The following NALF1 variants were observed in gnomAD, a reference collection of about 807,000 sequenced individuals.
NALF1 encodes family with sequence similarity 155 member A.
Under a neutral mutation model 48.4 loss-of-function variants are expected in NALF1, and 3 were observed. The ratio of observed to expected loss-of-function variants is 0.06; its 90% CI spans 0.03 to 0.16. The LOEUF is 0.16. Among genes scored for constraint, NALF1 ranks in the 10% least tolerant of loss-of-function variants. NALF1 has a pLI of 1.00. For synonymous variants in NALF1, 262 were observed against 245.7 expected, an observed-to-expected ratio of 1.07 and a Z score of -0.62; for missense variants, 526 against 571.5, an observed-to-expected ratio of 0.92 and a Z score of 0.81.
At chr13:107,593,818 G>GAAAAAAAAAAAA in intron 1 of NALF1, among the ~76,000 whole-genome samples, 1 of 146,240 alleles carries the variant, frequency 6.8e-6, no homozygotes, top group African/African-American at 2.5e-5. Context: ...TTTTCAACAG[G>GAAAAAAAAAAAA]AAAAAAAAAA....
intron 1 of NALF1, among the ~76,000 whole-genome samples, chr13:107,575,998 A>ATG (rs56118452): frequency 0.33 from 50,479 of 150,826 alleles, 9,692 homozygotes; most frequent in Non-Finnish European, 0.44. Flanking sequence ...GTGCATGTAT[A>ATG]TGTGTGTGTG....
At chr13:107,566,139 C>T (rs1348053092) in intron 1 of NALF1, among the ~76,000 whole-genome samples, 1 of 152,058 alleles carries the variant, frequency 6.6e-6, no homozygotes, top group African/African-American at 2.4e-5. Context: ...GCAAGAATTG[C>T]TACAAAAACA....
chr13:107,636,701 A>G (rs933150877), intron 1 of NALF1, among the ~76,000 whole-genome samples: 3 of 151,964 alleles, frequency 2.0e-5, no homozygotes, highest in African/African-American at 4.8e-5. Flanking sequence ...TCTTAATTTT[A>G]TAATATACTT....
chr13:107,403,909 A>G (rs184433760), intron 1 of NALF1, among the ~76,000 whole-genome samples: 297 of 152,218 alleles, frequency 2.0e-3, no homozygotes, highest in African/African-American at 6.6e-3. Context: ...AGGAGTTACT[A>G]TTATGTTTTC....
chr13:107,188,383 A>C (rs573272564), intron 2 of NALF1, among the ~76,000 whole-genome samples: 6 of 152,270 alleles, frequency 3.9e-5, no homozygotes, highest in African/African-American at 1.2e-4. Context: ...GTTATTTATA[A>C]TTTGGCAGGT....
At chr13:107,590,412 A>C (rs1180636303) in intron 1 of NALF1, among the ~76,000 whole-genome samples, 1 of 152,034 alleles carries the variant, frequency 6.6e-6, no homozygotes, top group Non-Finnish European at 1.5e-5. Flanking sequence ...TCATGTGCTC[A>C]ACAAGTTTGT....
intron 1 of NALF1, among the ~76,000 whole-genome samples, chr13:107,482,968 C>T (rs566698668): frequency 2.6e-5 from 4 of 152,292 alleles, no homozygotes; most frequent in Admixed American, 6.5e-5. Context: ...CCATGCCAAA[C>T]GTAAGCTGTC....
Position 107,349,647 on chromosome 13 carries a change from A to C in NALF1, c.916-138892T>G, listed in dbSNP as rs143479621. Among the ~76,000 whole-genome samples, 1,388 of 151,530 alleles carry C rather than the reference A, an allele frequency of 9.2e-3. 22 individuals carry two copies. Among genetic ancestry groups the C allele is most frequent in the African/African-American group, 0.032 (1,332 of 41,264 alleles). On this transcript the variant is annotated intron_variant, in intron 1 of 2. Coordinates refer to ENST00000375915, the MANE Select transcript of NALF1 (RefSeq NM_001080396.3). ...TCCCAGCTACTTGGAAAGCTGAGGC[A>C]GAGGAATCACTTGAACCTGGGAGGC...
chr13:107,554,762 G>A (rs957638865), intron 1 of NALF1, among the ~76,000 whole-genome samples: 2 of 152,146 alleles, frequency 1.3e-5, no homozygotes, highest in Non-Finnish European at 2.9e-5. Flanking sequence ...TTGTGTCTGT[G>A]CAAGTTTCTC....
At chr13:107,766,602 C>G (rs1314611345) in intron 1 of NALF1, among the ~76,000 whole-genome samples, 2 of 152,170 alleles carry the variant, frequency 1.3e-5, no homozygotes, top group East Asian at 1.9e-4. Flanking sequence ...AAGTGTCAAA[C>G]AGGATATTTT....
chr13:107,357,257 T>A (rs990379215), intron 1 of NALF1, among the ~76,000 whole-genome samples: 1 of 152,046 alleles, frequency 6.6e-6, no homozygotes, highest in African/African-American at 2.4e-5. Context: ...GACCTTCTCA[T>A]ATGGCAGCAG....
chr13:107,269,490 A>G (rs1028068937), intron 1 of NALF1, among the ~76,000 whole-genome samples: 5 of 152,202 alleles, frequency 3.3e-5, no homozygotes, highest in Non-Finnish European at 5.9e-5. Context: ...GAATATGTTT[A>G]TAGTATTTTA....
At chr13:107,693,341 A>C (rs7328331) in intron 1 of NALF1, among the ~76,000 whole-genome samples, 1 of 100,758 alleles carries the variant, frequency 9.9e-6, no homozygotes, top group Admixed American at 1.1e-4. Context: ...GGGGGGCGGG[A>C]GGGATAGCAT....
intron 1 of NALF1, among the ~76,000 whole-genome samples, chr13:107,560,816 T>C (rs190740142): frequency 6.6e-6 from 1 of 152,354 alleles, no homozygotes; most frequent in African/African-American, 2.4e-5. Flanking sequence ...TTAAAAAAGA[T>C]TGTTTGAAAG....
At chr13:107,663,712 C>A (rs2138479350) in intron 1 of NALF1, among the ~76,000 whole-genome samples, 1 of 152,210 alleles carries the variant, frequency 6.6e-6, no homozygotes, top group East Asian at 1.9e-4. Flanking sequence ...AATGTCATCA[C>A]CTCATTACCA....
At chr13:107,857,831 GT>G (rs1880475391) in intron 1 of NALF1, among the ~76,000 whole-genome samples, 2 of 152,178 alleles carry the variant, frequency 1.3e-5, no homozygotes, top group Admixed American at 6.5e-5. Context: ...GAGATCTCAA[GT>G]GAGGACTATA....
At chr13:107,775,241 T>A (rs1242419634) in intron 1 of NALF1, among the ~76,000 whole-genome samples, 1 of 128,234 alleles carries the variant, frequency 7.8e-6, no homozygotes, top group Non-Finnish European at 1.6e-5. Flanking sequence ...GAGTGTGATG[T>A]TCCCCTTCCT....
chr13:107,238,446 C>T (rs957607219), intron 1 of NALF1, among the ~76,000 whole-genome samples: 6 of 152,252 alleles, frequency 3.9e-5, no homozygotes, highest in African/African-American at 9.6e-5. Flanking sequence ...TGCAGCTCTG[C>T]CGGGCCCTCT....
At chr13:107,568,163 T>C (rs1208765508) in intron 1 of NALF1, among the ~76,000 whole-genome samples, 1 of 152,078 alleles carries the variant, frequency 6.6e-6, no homozygotes. Flanking sequence ...AATTTTTTCG[T>C]AGAGATGGAG....
Sources: allele counts gnomAD v4.1 joint callset (sites outside exome capture counted in the v4.1 genomes callset), GRCh38; gene constraint gnomAD v4.1.1; transcripts MANE v1.5; gene names NCBI Gene and HGNC (gene_info 2026-07-23, HGNC 2026-07-21).